Variants in TRAK1 observed in about 807,000 individuals in gnomAD.
The protein encoded by TRAK1 is trafficking kinesin protein 1.
TRAK1 carries 33 observed loss-of-function variants against 92.1 expected under a neutral mutation model. The observed-to-expected ratio is 0.36, with a 90% CI of 0.27 to 0.48. The LOEUF is 0.48. Ranked by LOEUF, TRAK1 falls within the 20% of genes least tolerant of loss-of-function variation. TRAK1 has a pLI of 0.99. For missense variants in TRAK1, 1,123 were observed against 1,257.9 expected, an observed-to-expected ratio of 0.89 and a Z score of 1.62; for synonymous variants, 521 against 517.3, an observed-to-expected ratio of 1.01 and a Z score of -0.10.
At chr3:42,062,345 A>T (rs1576215052) in intron 1 of TRAK1, among the ~76,000 whole-genome samples, 1 of 152,122 alleles carries the variant, frequency 6.6e-6, no homozygotes. Context: ...CTTAATTTTG[A>T]ATATTTTTTT....
At chr3:42,160,396 G>A (rs1335764328) in intron 2 of TRAK1, 1 of 1,614,234 alleles carries the variant, frequency 6.2e-7, no homozygotes, top group Admixed American at 1.7e-5. Context: ...GAAGAAGAAT[G>A]TTTTGAATAC....
chr3:42,219,786 G>GTTTTTTTTTT (rs397989334), intron 15 of TRAK1, among the ~76,000 whole-genome samples, 190 bp downstream of exon 15: 1 of 63,498 alleles, frequency 1.6e-5, no homozygotes, highest in African/African-American at 4.3e-5. Context: ...GTTGTTATGT[G>GTTTTTTTTTT]TTTTTTTTTT....
At chr3:42,162,616 A>G (rs980192400) in intron 2 of TRAK1, among the ~76,000 whole-genome samples, 1 of 152,230 alleles carries the variant, frequency 6.6e-6, no homozygotes, top group South Asian at 2.1e-4. Flanking sequence ...GATGCTGTAC[A>G]TAAGGTAAAT....
Position 42,063,087 on chromosome 3 carries a change from T to C in TRAK1, c.-518-24017T>C, listed in dbSNP as rs530016871. Among the ~76,000 whole-genome samples the C allele has an allele frequency of 4.6e-5, 7 of 152,334 alleles. No individual in the cohort carries two copies. In the South Asian group the frequency reaches 1.4e-3, roughly 32 times the overall value. Reference sequence around the variant, plus strand: ...TTTCCAGTACCAAATCCAGTGCTTATTCTCACAGACCATGGGTCAAATCCA... The same window carrying C: ...TTTCCAGTACCAAATCCAGTGCTTACTCTCACAGACCATGGGTCAAATCCA... On this transcript the variant is annotated intron_variant, in intron 1 of 16. Coordinates refer to the TRAK1 transcript ENST00000487159.
chr3:42,174,830 G>A (rs1288254561), intron 2 of TRAK1, among the ~76,000 whole-genome samples: 2 of 151,516 alleles, frequency 1.3e-5, no homozygotes, highest in Non-Finnish European at 2.9e-5. Context: ...GCCTCGCAAA[G>A]TGCTGGGATA....
intron 9 of TRAK1, 151 bp from the exon 10 acceptor site, chr3:42,194,653 C>T: frequency 1.2e-6 from 1 of 823,060 alleles, no homozygotes; most frequent in Non-Finnish European, 1.8e-6. Context: ...TTTGAAAATT[C>T]TGTTATTTGG....
chr3:42,174,345 CAT>C (rs1376174164), intron 2 of TRAK1, among the ~76,000 whole-genome samples: 2 of 152,190 alleles, frequency 1.3e-5, no homozygotes, highest in Non-Finnish European at 2.9e-5. Context: ...TTAATACACA[CAT>C]GTGCACACAA....
chr3:42,194,692 C>A, intron 9 of TRAK1, 112 bp from the exon 10 acceptor site: 2 of 1,324,512 alleles, frequency 1.5e-6, no homozygotes, highest in Non-Finnish European at 2.0e-6. Context: ...GCTGGTTCCA[C>A]ACGTGCTGGG....
At position 42,209,832 on chromosome 3, in the gene TRAK1, C is replaced by A; in HGVS notation, c.1810C>A (p.Arg604=). ...QPHLGGILDP[R]PGVVTKGFRT... ...TCACCTTGGGGGCATCCTGGACCCCCGGCCCGGTGTGGTCACCAAGGGCTT... is the reference window on the plus strand; with the variant it reads ...TCACCTTGGGGGCATCCTGGACCCCAGGCCCGGTGTGGTCACCAAGGGCTT... The change falls in exon 14 of 16, where the codon CGG becomes AGG. Residue 604 remains arginine, a synonymous_variant. Transcript: ENST00000327628. 6.2e-7 allele frequency: 1 copy of A among 1,614,226 alleles called. No homozygotes were observed. Among genetic ancestry groups the A allele is most frequent in the Non-Finnish European group, 8.5e-7 (1 of 1,180,040 alleles).
intron 2 of TRAK1, among the ~76,000 whole-genome samples, chr3:42,162,781 C>T (rs1169180646): frequency 1.3e-5 from 2 of 152,170 alleles, no homozygotes; most frequent in Non-Finnish European, 2.9e-5. Flanking sequence ...GTTATACAGG[C>T]AAGAGGTCAG....
At chr3:42,159,052 C>T (rs1700925475) in intron 2 of TRAK1, among the ~76,000 whole-genome samples, 1 of 151,568 alleles carries the variant, frequency 6.6e-6, no homozygotes, top group Non-Finnish European at 1.5e-5. Flanking sequence ...TTTATTATCT[C>T]TGGTTTTCTA....
intron 1 of TRAK1, among the ~76,000 whole-genome samples, chr3:42,107,382 C>T (rs573475060): frequency 6.6e-5 from 10 of 152,058 alleles, no homozygotes; most frequent in African/African-American, 1.7e-4. Flanking sequence ...CGTGGTGGTG[C>T]GTGCCTGTAG....
intron 14 of TRAK1, chr3:42,211,341 T>C: frequency 1.0e-6 from 1 of 985,444 alleles, no homozygotes; most frequent in Non-Finnish European, 1.2e-6. Context: ...ATGTGATTTG[T>C]TTAGCACATA....
Position 42,223,708 on chromosome 3 carries a change from A to G in TRAK1, c.2833A>G (p.Lys945Glu). ...CACCTCGGGCATCTTGATGGGTGCTAAGCTCTCCAAACAAACTAGCTTACG... is the reference window on the plus strand; with the variant it reads ...CACCTCGGGCATCTTGATGGGTGCTGAGCTCTCCAAACAAACTAGCTTACG... ...TLTSGILMGA[K>E]LSKQTSLR The change falls in exon 16 of 16, where the codon AAG becomes GAG. Residue 945 changes from lysine to glutamate, a missense_variant. Coordinates refer to ENST00000327628, the MANE Select transcript of TRAK1 (RefSeq NM_001042646.3). This position sits in a 1 kb window ranked among gnomAD's most constrained non-coding sequence, Gnocchi z 6.1. 4 of 1,608,658 alleles carry G rather than the reference A, an allele frequency of 2.5e-6. No individual in the cohort carries two copies. Among genetic ancestry groups the G allele is most frequent in the Non-Finnish European group, 3.4e-6 (4 of 1,175,534 alleles).
chr3:42,201,719 C>T (rs1707590247), intron 12 of TRAK1, among the ~76,000 whole-genome samples: 1 of 151,808 alleles, frequency 6.6e-6, no homozygotes, highest in African/African-American at 2.4e-5. Context: ...CTGAGGAGGA[C>T]TCAGGCTGTC....
chr3:42,048,015 A>G (rs1038962020), intron 1 of TRAK1, among the ~76,000 whole-genome samples: 2 of 151,542 alleles, frequency 1.3e-5, no homozygotes, highest in African/African-American at 4.8e-5. Context: ...TCTACAATAA[A>G]CATCCAGGTC....
chr3:42,029,150 A>G (rs574716918), intron 1 of TRAK1, among the ~76,000 whole-genome samples: 3 of 152,286 alleles, frequency 2.0e-5, no homozygotes, highest in African/African-American at 4.8e-5. Flanking sequence ...GTGTTAAACC[A>G]TAAGAAACCA....
intron 3 of TRAK1, among the ~76,000 whole-genome samples, chr3:42,183,282 G>C (rs1456329934): frequency 6.6e-6 from 1 of 152,082 alleles, no homozygotes; most frequent in Non-Finnish European, 1.5e-5. Context: ...TTGGCCTGGC[G>C]CAGTGGTTCA....
chr3:42,180,483 C>T (rs1189402504), intron 3 of TRAK1, among the ~76,000 whole-genome samples: 1 of 151,870 alleles, frequency 6.6e-6, no homozygotes, highest in African/African-American at 2.4e-5. Context: ...AAGTTAGACG[C>T]TGTAACTGAA....
Sources: gnomAD v4.1 joint callset for allele counts (sites outside exome capture counted in the v4.1 genomes callset) on GRCh38, gnomAD v4.1.1 for gene constraint, Gnocchi (gnomAD v3.1) non-coding constraint, MANE v1.5 for transcripts, NCBI Gene and HGNC (gene_info 2026-07-23, HGNC 2026-07-21) for gene names.